Variants in PTPRD observed in about 807,000 individuals in gnomAD.
The protein encoded by PTPRD is receptor-type tyrosine-protein phosphatase delta.
Under a neutral mutation model 214.5 loss-of-function variants are expected in PTPRD, and 34 were observed. The ratio of observed to expected loss-of-function variants is 0.16; its 90% CI spans 0.12 to 0.21. The LOEUF (loss-of-function observed/expected upper bound fraction) is 0.21. Ranked by LOEUF, PTPRD falls within the 10% of genes least tolerant of loss-of-function variation. The probability of loss-of-function intolerance (pLI) is 1.00; values close to 1 mark genes in which losing one functional copy is unlikely to be tolerated. For synonymous variants in PTPRD, 1,128 were observed against 845.7 expected (o/e 1.33, Z -5.79); for missense variants, 2,545 against 2,398.7 (o/e 1.06, Z -1.27).
chr9:8,780,116 T>A (rs142014947), intron 11 of PTPRD, among the ~76,000 whole-genome samples: 4 of 151,718 alleles, frequency 2.6e-5, no homozygotes, highest in Admixed American at 2.6e-4. Flanking sequence ...AAACTAAGAA[T>A]AGCATTTTCC....
intron 10 of PTPRD, among the ~76,000 whole-genome samples, chr9:9,075,497 G>C (rs776384707): frequency 1.3e-5 from 2 of 152,014 alleles, no homozygotes; most frequent in Non-Finnish European, 2.9e-5. Flanking sequence ...GTGTCATGTT[G>C]ATGTGCTGCA....
intron 36 of PTPRD, among the ~76,000 whole-genome samples, chr9:8,403,612 T>C (rs1489051601): frequency 6.6e-6 from 1 of 152,218 alleles, no homozygotes; most frequent in African/African-American, 2.4e-5. Context: ...AAATGATCCG[T>C]CATGAATCCT....
At chr9:10,532,633 T>A (rs1228686068) in intron 2 of PTPRD, among the ~76,000 whole-genome samples, 1 of 147,782 alleles carries the variant, frequency 6.8e-6, no homozygotes, top group Non-Finnish European at 1.5e-5. Context: ...TTATATATAT[T>A]AGATATTTCT....
intron 2 of PTPRD, among the ~76,000 whole-genome samples, chr9:10,462,334 C>A (rs1466434799): frequency 5.3e-5 from 8 of 152,116 alleles, no homozygotes. Context: ...TTTATATAAT[C>A]TGCAAATGAG....
At chr9:9,103,353 G>A (rs1336429182) in intron 10 of PTPRD, among the ~76,000 whole-genome samples, 3 of 151,664 alleles carry the variant, frequency 2.0e-5, no homozygotes, top group African/African-American at 7.3e-5. Context: ...CTTTATAAAT[G>A]TCTCAAGCCA....
chr9:9,758,555 C>G (rs1249682728), intron 6 of PTPRD, among the ~76,000 whole-genome samples: 1 of 152,072 alleles, frequency 6.6e-6, no homozygotes, highest in Non-Finnish European at 1.5e-5. Context: ...GTACATAAAG[C>G]CAAAGATAGA....
chr9:9,911,938 T>A (rs1477219535), intron 5 of PTPRD, among the ~76,000 whole-genome samples: 1 of 152,132 alleles, frequency 6.6e-6, no homozygotes, highest in Admixed American at 6.5e-5. Context: ...GTCACTGTTA[T>A]GGAACCAGCT....
At chr9:9,004,021 C>A (rs1047677225) in intron 11 of PTPRD, among the ~76,000 whole-genome samples, 1 of 152,028 alleles carries the variant, frequency 6.6e-6, no homozygotes, top group Non-Finnish European at 1.5e-5. Context: ...ATTGCAAAGA[C>A]CAATACTGAG....
At position 8,955,495 on chromosome 9, in the gene PTPRD, G is replaced by A. The variant is rs903773072; in HGVS notation, c.-104+63202C>T. Among the ~76,000 whole-genome samples the A allele has an allele frequency of 1.4e-4, 22 of 151,912 alleles. No individual in the cohort carries two copies. The South Asian group carries it at 4.2e-3, about 29-fold the overall frequency. ...AGACAATCACCAGCATAAATGCTCT[G>A]CTCTCAGGGAAATGGAAGTGCCCTT... On this transcript the variant is annotated intron_variant, in intron 11 of 45. Coordinates refer to ENST00000381196, the MANE Select transcript of PTPRD (RefSeq NM_002839.4).
chr9:10,242,627 T>G (rs1007326489), intron 3 of PTPRD, among the ~76,000 whole-genome samples: 2 of 146,608 alleles, frequency 1.4e-5, no homozygotes, highest in African/African-American at 5.0e-5. Context: ...TTTTTTGCAT[T>G]TTTGACTAAC....
intron 11 of PTPRD, among the ~76,000 whole-genome samples, chr9:8,795,428 A>C (rs1312963281): frequency 2.0e-5 from 3 of 152,152 alleles, no homozygotes; most frequent in East Asian, 3.9e-4. Flanking sequence ...TCAGCCTCCC[A>C]AAGTGGTGGG....
At chr9:9,487,798 T>C (rs62533202) in intron 8 of PTPRD, among the ~76,000 whole-genome samples, 4,419 of 152,262 alleles carry the variant, frequency 0.029, 79 homozygotes, top group South Asian at 0.059. Context: ...AGAAGGACTT[T>C]CTGCTTCAGT....
intron 9 of PTPRD, among the ~76,000 whole-genome samples, chr9:9,321,914 T>C (rs927429277): frequency 6.6e-6 from 1 of 152,212 alleles, no homozygotes; most frequent in Non-Finnish European, 1.5e-5. Flanking sequence ...TTGATTTTGA[T>C]TGAGGTACTT....
intron 3 of PTPRD, among the ~76,000 whole-genome samples, chr9:10,323,844 A>C (rs1398679939): frequency 6.6e-6 from 1 of 152,126 alleles, no homozygotes; most frequent in East Asian, 2.0e-4. Flanking sequence ...ATAACCTCCA[A>C]GTTTACAAGT....
At chr9:9,477,978 CT>C (rs1431350213) in intron 8 of PTPRD, among the ~76,000 whole-genome samples, 1 of 152,164 alleles carries the variant, frequency 6.6e-6, no homozygotes, top group Non-Finnish European at 1.5e-5. Context: ...TTGATAACCA[CT>C]GGTCTCAAAA....
At chr9:9,464,234 C>T (rs112397191) in intron 8 of PTPRD, among the ~76,000 whole-genome samples, 9 of 152,272 alleles carry the variant, frequency 5.9e-5, no homozygotes, top group African/African-American at 2.2e-4. Context: ...ACATACCCAT[C>T]ACCCAAATAG....
chr9:9,390,497 A>C (rs974818678), intron 9 of PTPRD, among the ~76,000 whole-genome samples: 2 of 152,190 alleles, frequency 1.3e-5, no homozygotes, highest in African/African-American at 4.8e-5. Flanking sequence ...TAATGTCCTA[A>C]AGTATTCATA....
chr9:9,713,371 C>T (rs1288638278), intron 7 of PTPRD, among the ~76,000 whole-genome samples: 3 of 152,094 alleles, frequency 2.0e-5, no homozygotes, highest in African/African-American at 7.2e-5. Flanking sequence ...AAATGTCACT[C>T]GTCCTCTTAG....
At chr9:8,521,094 G>GA (rs568300162) in intron 20 of PTPRD, among the ~76,000 whole-genome samples, 183 bp downstream of exon 20, 273 of 152,162 alleles carry the variant, frequency 1.8e-3, no homozygotes, top group African/African-American at 6.5e-3. Context: ...ATACTTCCAA[G>GA]AAAAAATCCG....
Sources: gnomAD v4.1 joint callset for allele counts (sites outside exome capture counted in the v4.1 genomes callset) on GRCh38, gnomAD v4.1.1 for gene constraint, MANE v1.5 for transcripts, NCBI Gene and HGNC (gene_info 2026-07-23, HGNC 2026-07-21) for gene names.